Variants in EIF2A observed in about 807,000 individuals in gnomAD.
The protein encoded by EIF2A is eukaryotic translation initiation factor 2A.
Under a neutral mutation model 75.2 loss-of-function variants are expected in EIF2A, and 62 were observed. The observed-to-expected ratio is 0.82, with a 90% CI of 0.67 to 1.02. The LOEUF is 1.02. Ranked by LOEUF, EIF2A falls within the 50% of genes least tolerant of loss-of-function variation. The pLI is 0.00. For synonymous variants in EIF2A, 207 were observed against 239.0 expected, an observed-to-expected ratio of 0.87 and a Z score of 1.23; for missense variants, 611 against 677.7, an observed-to-expected ratio of 0.90 and a Z score of 1.09.
At chr3:150,581,113 T>C (rs979341978) in intron 11 of EIF2A, among the ~76,000 whole-genome samples, 8 of 152,036 alleles carry the variant, frequency 5.3e-5, no homozygotes, top group Non-Finnish European at 1.2e-4. Context: ...ATCAGAGGTC[T>C]GATCATATTG....
At chr3:150,562,295 A>G (rs7430875) in intron 3 of EIF2A, among the ~76,000 whole-genome samples, 28,864 of 151,282 alleles carry the variant, frequency 0.19, 3,455 homozygotes, top group East Asian at 0.41. Flanking sequence ...GGTGGCGGGC[A>G]CCTGTAGTCC....
chr3:150,560,139 C>T (rs1309070722), intron 3 of EIF2A, among the ~76,000 whole-genome samples: 1 of 152,158 alleles, frequency 6.6e-6, no homozygotes, highest in East Asian at 1.9e-4. Flanking sequence ...TAATAGTTCA[C>T]TCATATCCAC....
intron 11 of EIF2A, among the ~76,000 whole-genome samples, chr3:150,576,440 G>A (rs890369192): frequency 3.3e-5 from 5 of 151,894 alleles, no homozygotes; most frequent in African/African-American, 1.2e-4. Flanking sequence ...GAAAAAAAAA[G>A]AAAAAAAGCA....
rs967881843 is a variant in EIF2A at position 150,581,470 on chromosome 3, C to A, written c.1498-148C>A. On this transcript the variant is annotated intron_variant, in intron 11 of 13. Transcript: ENST00000460851. ...TAACATGGGAGTATGTAGCATACTT[C>A]ATGAGACCTTTAATTCAGATTCTTT... is the stretch of plus-strand genomic sequence containing the variant. The A allele has an allele frequency of 9.6e-6, 10 of 1,041,536 alleles. No individual in the cohort carries two copies. The African/African-American group carries it at 1.6e-4, about 17-fold the overall frequency. The allele number at this position is 1,041,536 out of a possible 1,614,324, so 64.5% of individuals were successfully genotyped here. A position where few individuals can be genotyped will look rare whatever the true frequency, so the allele number is the denominator to read the frequency against.
In EIF2A at chr3:150,549,402, GA is replaced by G. The variant is rs1480103739; in HGVS notation, c.28+2573del. Reference sequence around the variant, plus strand: ...CCCAGCTAATTTTGTATTTTTAGTAGAGTTGGGGTTTCACCAAGTTGGTCAG... The same window carrying G: ...CCCAGCTAATTTTGTATTTTTAGTAGGTTGGGGTTTCACCAAGTTGGTCAG... On this transcript the variant is annotated intron_variant, in intron 1 of 13. Coordinates refer to ENST00000460851, the MANE Select transcript of EIF2A (RefSeq NM_032025.5). Among the ~76,000 whole-genome samples, 4 of 152,142 alleles carry G rather than the reference GA, an allele frequency of 2.6e-5. No homozygotes were observed. In the East Asian group the frequency reaches 7.7e-4, roughly 29 times the overall value.
chr3:150,556,668 A>C (rs563163126), intron 2 of EIF2A, among the ~76,000 whole-genome samples: 109 of 152,312 alleles, frequency 7.2e-4, no homozygotes, highest in African/African-American at 2.4e-3. Flanking sequence ...TGATGAGTGC[A>C]TAGGTGGATT....
intron 6 of EIF2A, 49 bp downstream of exon 6, chr3:150,564,430 C>A (rs745422530): frequency 8.0e-5 from 114 of 1,429,452 alleles, no homozygotes; most frequent in Non-Finnish European, 9.7e-5. Flanking sequence ...TAATCGTATA[C>A]AGTTTCCATT....
intron 2 of EIF2A, among the ~76,000 whole-genome samples, chr3:150,553,630 C>G (rs1249154670): frequency 6.6e-6 from 1 of 152,134 alleles, no homozygotes. Context: ...AGGCTAGTCT[C>G]AAACTCCTGA....
chr3:150,557,082 A>G (rs1473451496), intron 2 of EIF2A, among the ~76,000 whole-genome samples: 2 of 152,202 alleles, frequency 1.3e-5, no homozygotes, highest in Non-Finnish European at 1.5e-5. Flanking sequence ...ATTTGAGGGA[A>G]GGACTGTTGG....
rs1221423415 is a variant in EIF2A, at chr3:150,583,696, CA to C, written c.1693-147del. ...TTCACCCTCGATTCATACCAGATAA[CA>C]AATTAGAATTTGTTTCTAACCTGTA... On this transcript the variant is annotated intron_variant, in intron 13 of 13. Coordinates refer to ENST00000460851, the MANE Select transcript of EIF2A (RefSeq NM_032025.5). The C allele has an allele frequency of 1.7e-5, 13 of 748,478 alleles. No homozygotes were observed. In the East Asian group the frequency reaches 3.0e-4, roughly 17 times the overall value. The allele number at this position is 748,478 out of a possible 1,614,324, so 46.4% of individuals were successfully genotyped here.
chr3:150,562,861 G>C, intron 4 of EIF2A: 1 of 385,542 alleles, frequency 2.6e-6, no homozygotes, highest in Non-Finnish European at 4.7e-6. Flanking sequence ...AAGGTATATG[G>C]TAAGTTAATG....
chr3:150,584,115 A>C lies in EIF2A; in HGVS notation c.*204A>C, dbSNP rs1725343381. The C allele has an allele frequency of 8.4e-6, 4 of 473,858 alleles. No individual in the cohort carries two copies. Among genetic ancestry groups the C allele is most frequent in the Non-Finnish European group, 1.5e-5 (4 of 272,194 alleles). 29.4% of individuals were successfully genotyped at this position (473,858 alleles called of 1,614,324 possible). A position where few individuals can be genotyped will look rare whatever the true frequency, so the allele number is the denominator to read the frequency against. ...TATATCTTGCATCCTATATCATGTC[A>C]ATATGTGATATAGAAAAGAGATACG... On this transcript the variant is annotated 3_prime_UTR_variant, in exon 14 of 14. Transcript: ENST00000460851.
rs1723058587 is a variant in EIF2A at position 150,546,841 on chromosome 3, A to C, written c.28+11A>C. On this transcript the variant is annotated intron_variant, in intron 1 of 13. Coordinates refer to ENST00000460851, the MANE Select transcript of EIF2A (RefSeq NM_032025.5). ...CGCCGCTCTTGACAGGTGAGTTCTGAAGAAGCGAGGGACTCTCTTTCTTCA... is the reference window on the plus strand; with the variant it reads ...CGCCGCTCTTGACAGGTGAGTTCTGCAGAAGCGAGGGACTCTCTTTCTTCA... The C allele has an allele frequency of 1.2e-6, 2 of 1,611,906 alleles. No individual in the cohort carries two copies. Among genetic ancestry groups the C allele is most frequent in the Non-Finnish European group, 1.7e-6 (2 of 1,179,890 alleles).
intron 10 of EIF2A, among the ~76,000 whole-genome samples, chr3:150,575,003 T>C (rs186716364): frequency 6.6e-6 from 1 of 152,386 alleles, no homozygotes; most frequent in Admixed American, 6.5e-5. Flanking sequence ...CACCATCTTT[T>C]CTATTGTGGA....
rs1470099552 is a variant in EIF2A at position 150,583,264 on chromosome 3, A to G, written c.1691A>G (p.Gln564Arg). ...ACTGGAAAACAGCTAGAAAAAAATC[A>G]GGTACTTTCTGCATTTTTCATTTAG... Reference protein sequence around the residue: ...AATGKQLEKNQLEKIQKETAL... With the variant: ...AATGKQLEKNRLEKIQKETAL... Residue 564 changes from glutamine to arginine, a missense_variant and splice_region_variant, in exon 13 of 14, where the codon CAG (glutamine) becomes CGG (arginine). Transcript: ENST00000460851. 1 of 1,612,738 alleles carries G rather than the reference A, an allele frequency of 6.2e-7. No homozygotes were observed.
At chr3:150,548,779 A>G (rs959598721) in intron 1 of EIF2A, among the ~76,000 whole-genome samples, 5 of 152,220 alleles carry the variant, frequency 3.3e-5, no homozygotes, top group Non-Finnish European at 7.3e-5. Flanking sequence ...GTAAGAGCTT[A>G]AATGTTGTCT....
In EIF2A at chr3:150,584,183, A is replaced by G. The variant is rs1393789158; in HGVS notation, c.*272A>G. 9.8e-6 allele frequency: 3 copies of G among 305,786 alleles called. No individual in the cohort carries two copies. The highest frequency in any genetic ancestry group is 1.8e-5 in the Non-Finnish European group (3 of 168,078). 18.9% of individuals were successfully genotyped at this position (305,786 alleles called of 1,614,324 possible). A position where few individuals can be genotyped will look rare whatever the true frequency, so the allele number is the denominator to read the frequency against. On this transcript the variant is annotated 3_prime_UTR_variant, in exon 14 of 14. Coordinates refer to ENST00000460851, the MANE Select transcript of EIF2A (RefSeq NM_032025.5). Reference sequence around the variant, plus strand: ...CTTGACAGATTGAAAGACAAGTGTCATTTTTTTTTGTAGAGGGTGATATAT... The same window carrying G: ...CTTGACAGATTGAAAGACAAGTGTCGTTTTTTTTTGTAGAGGGTGATATAT...
At chr3:150,558,882 T>G (rs2107915953) in intron 3 of EIF2A, among the ~76,000 whole-genome samples, 1 of 152,296 alleles carries the variant, frequency 6.6e-6, no homozygotes, top group South Asian at 2.1e-4. Context: ...TAGTCTTATG[T>G]ATATAAAAGT....
In EIF2A at chr3:150,567,740, T is replaced by A; in HGVS notation, c.523T>A (p.Leu175Ile). ...TTTGCAAAAAATTAATGATTTTGTA[T>A]TATCACCTGGACCCCAACCATACAA... Reference protein sequence around the residue: ...LHLQKINDFVLSPGPQPYKVA... With the variant: ...LHLQKINDFVISPGPQPYKVA... The change falls in exon 7 of 14, where the codon TTA becomes ATA. Residue 175 changes from leucine to isoleucine, a missense_variant. Leu to Ile is a conservative substitution (Grantham distance 5). Transcript: ENST00000460851. The A allele has an allele frequency of 6.4e-7, 1 of 1,560,420 alleles. No homozygotes were observed. Among genetic ancestry groups the A allele is most frequent in the South Asian group, 1.2e-5 (1 of 84,892 alleles).
Sources: gnomAD v4.1 joint callset for allele counts (sites outside exome capture counted in the v4.1 genomes callset) on GRCh38, gnomAD v4.1.1 for gene constraint, MANE v1.5 for transcripts, NCBI Gene and HGNC (gene_info 2026-07-23, HGNC 2026-07-21) for gene names.